The following FSTL4 variants were observed in gnomAD, a reference collection of about 807,000 sequenced individuals.
FSTL4 encodes follistatin like 4.
In FSTL4, 28 loss-of-function variants were observed where a neutral mutation model predicts 78.2. The observed-to-expected ratio is 0.36, with a 90% CI of 0.27 to 0.49. FSTL4 has a LOEUF of 0.49. Among genes scored for constraint, FSTL4 ranks in the 20% least tolerant of loss-of-function variants. FSTL4 has a pLI of 0.98. For synonymous variants in FSTL4, 422 were observed against 440.5 expected (o/e 0.96, Z 0.53); for missense variants, 922 against 1,084.9 (o/e 0.85, Z 2.11).
chr5:133,402,972 G>C (rs539643775), intron 3 of FSTL4, among the ~76,000 whole-genome samples: 1 of 152,354 alleles, frequency 6.6e-6, no homozygotes, highest in Non-Finnish European at 1.5e-5. Context: ...CGCCTGGCAG[G>C]GAGGCTCTGG....
chr5:133,690,261 C>T, the FSTL4 span, among the ~76,000 whole-genome samples: 11 of 152,060 alleles, frequency 7.2e-5, no homozygotes, highest in South Asian at 2.1e-4. Flanking sequence ...ATCTAGTCCC[C>T]ACCTCCAAAA....
At chr5:133,475,179 C>G (rs988541958) in intron 3 of FSTL4, among the ~76,000 whole-genome samples, 12 of 152,226 alleles carry the variant, frequency 7.9e-5, no homozygotes, top group African/African-American at 2.9e-4. Flanking sequence ...GCTTCAGGCT[C>G]CTGTTCCCGA....
At chr5:133,589,374 A>G (rs984702256) in intron 2 of FSTL4, among the ~76,000 whole-genome samples, 3 of 151,832 alleles carry the variant, frequency 2.0e-5, no homozygotes, top group African/African-American at 7.3e-5. Flanking sequence ...CCCAAGGCCA[A>G]TTCTTAAAAG....
chr5:133,668,832 A>G, the FSTL4 span, among the ~76,000 whole-genome samples: 1 of 152,220 alleles, frequency 6.6e-6, no homozygotes, highest in South Asian at 2.1e-4. Context: ...CATCAGGCAT[A>G]GTGCATTAGA....
At chr5:133,541,990 C>T (rs1318787975) in intron 3 of FSTL4, among the ~76,000 whole-genome samples, 1 of 151,656 alleles carries the variant, frequency 6.6e-6, no homozygotes, top group Non-Finnish European at 1.5e-5. Context: ...ACTTCCAACT[C>T]CCATCTGAAA....
At chr5:133,443,638 C>T (rs1714423631) in intron 3 of FSTL4, among the ~76,000 whole-genome samples, 1 of 152,152 alleles carries the variant, frequency 6.6e-6, no homozygotes, top group South Asian at 2.1e-4. Context: ...TCAAGAAATC[C>T]AGCTCCTCTC....
chr5:133,636,000 G>T, the FSTL4 span, among the ~76,000 whole-genome samples: 1 of 152,282 alleles, frequency 6.6e-6, no homozygotes, highest in Admixed American at 6.5e-5. Context: ...ATGGCATCAC[G>T]TGAGCAGGGA....
chr5:133,567,456 G>T (rs561263127), intron 2 of FSTL4, among the ~76,000 whole-genome samples: 1 of 152,288 alleles, frequency 6.6e-6, no homozygotes, highest in East Asian at 1.9e-4. Flanking sequence ...AGTTTTTAAT[G>T]AGCACAGCTC....
intron 15 of FSTL4, among the ~76,000 whole-genome samples, chr5:133,200,745 C>T (rs1355487038): frequency 1.3e-5 from 2 of 152,156 alleles, no homozygotes; most frequent in African/African-American, 4.8e-5. Flanking sequence ...GCTGTGTACA[C>T]CTGCAGGAAT....
chr5:133,285,261 C>T (rs980929882), intron 6 of FSTL4, among the ~76,000 whole-genome samples: 7 of 152,154 alleles, frequency 4.6e-5, no homozygotes, highest in Admixed American at 1.3e-4. Flanking sequence ...AGAAGAGAAG[C>T]GAGAAGACAA....
At position 133,259,710 on chromosome 5, in the gene FSTL4, C is replaced by A. The variant is rs181250091; in HGVS notation, c.728-10134G>T. On this transcript the variant is annotated intron_variant, in intron 6 of 15. Transcript: ENST00000265342. ...AGAGAGGGAAAAAATGCAGGGGGAC[C>A]ATTTAGGAGGCCAAGGCAGTAGTTC... 2.7e-3 allele frequency among the ~76,000 whole-genome samples: 412 copies of A among 151,790 alleles called. 3 individuals are homozygous for A. Among genetic ancestry groups the A allele is most frequent in the Non-Finnish European group, 2.9e-3 (194 of 67,936 alleles).
At chr5:133,804,759 A>G in the FSTL4 span, among the ~76,000 whole-genome samples, 1 of 151,934 alleles carries the variant, frequency 6.6e-6, no homozygotes, top group South Asian at 2.1e-4. Flanking sequence ...CCTGGTTAAC[A>G]CGGTGAAACC....
the FSTL4 span, among the ~76,000 whole-genome samples, chr5:133,647,397 C>A: frequency 1.3e-5 from 2 of 152,100 alleles, no homozygotes; most frequent in African/African-American, 2.4e-5. Context: ...AATAAAATAC[C>A]CACATTATCT....
chr5:133,243,469 A>G (rs561429298), intron 7 of FSTL4, among the ~76,000 whole-genome samples: 1 of 152,364 alleles, frequency 6.6e-6, no homozygotes, highest in East Asian at 1.9e-4. Flanking sequence ...GGAGCTCCAC[A>G]CACAGGGACC....
At chr5:133,357,892 C>T (rs1316388210) in intron 4 of FSTL4, among the ~76,000 whole-genome samples, 1 of 152,190 alleles carries the variant, frequency 6.6e-6, no homozygotes, top group African/African-American at 2.4e-5. Flanking sequence ...GCTTCTCAGC[C>T]CACTCCTGTT....
intron 6 of FSTL4, among the ~76,000 whole-genome samples, chr5:133,277,574 T>C: frequency 6.6e-6 from 1 of 152,206 alleles, no homozygotes; most frequent in East Asian, 1.9e-4. Context: ...ATAGAATCTT[T>C]ACAGAGGAAA....
At chr5:133,618,256 G>A in the FSTL4 span, among the ~76,000 whole-genome samples, 3 of 152,152 alleles carry the variant, frequency 2.0e-5, no homozygotes, top group Admixed American at 6.5e-5. Context: ...CTTATTATAT[G>A]TAATGTTTCA....
chr5:133,810,446 G>T, the FSTL4 span, among the ~76,000 whole-genome samples: 85 of 152,312 alleles, frequency 5.6e-4, 1 homozygote, highest in African/African-American at 2.0e-3. Flanking sequence ...CTGCGTTGTT[G>T]TCTGTGGTAA....
At chr5:133,315,118 C>A (rs193246073) in intron 5 of FSTL4, among the ~76,000 whole-genome samples, 2 of 152,140 alleles carry the variant, frequency 1.3e-5, no homozygotes, top group Non-Finnish European at 1.5e-5. Context: ...GCCAAGATTG[C>A]GCTACTGCAC....
Sources: allele counts gnomAD v4.1 joint callset (sites outside exome capture counted in the v4.1 genomes callset), GRCh38; gene constraint gnomAD v4.1.1; transcripts MANE v1.5; gene names NCBI Gene and HGNC (gene_info 2026-07-23, HGNC 2026-07-21).